The following SNAPC5 variants were observed in gnomAD, a reference collection of about 807,000 sequenced individuals.
SNAPC5 encodes the protein small nuclear RNA activating complex polypeptide 5, also known as snRNA-activating protein complex subunit 5.
A neutral mutation model predicts 9.1 loss-of-function variants in SNAPC5; 12 were observed. That is an observed-to-expected ratio of 1.32 (90% CI 0.85 to 2.15). The LOEUF (loss-of-function observed/expected upper bound fraction) is 2.15. Among genes scored for constraint, SNAPC5 ranks in the 30% most tolerant of loss-of-function variants. The pLI is 0.00. For missense variants in SNAPC5, 132 were observed against 114.4 expected (o/e 1.15, Z -0.70); for synonymous variants, 52 against 47.3 (o/e 1.10, Z -0.41).
At chr15:66,492,503 T>C (rs1388052820), downstream of SNAPC5, among the ~76,000 whole-genome samples, 2 of 151,290 alleles carry the variant, frequency 1.3e-5, no homozygotes, top group Non-Finnish European at 3.0e-5. Flanking sequence ...ATTTTCAACA[T>C]ATAAACATTT....
downstream of SNAPC5, chr15:66,490,183 GTA>G (rs1893201602): frequency 1.9e-6 from 1 of 526,260 alleles, no homozygotes; most frequent in African/African-American, 1.9e-5. Context: ...GGTGTATATA[GTA>G]TATAATATGC....
At chr15:66,490,341 G>C, downstream of SNAPC5, 1 of 722,694 alleles carries the variant, frequency 1.4e-6, no homozygotes, top group Non-Finnish European at 2.5e-6. Context: ...GCAGGTCTTT[G>C]GGCCTGCAGC....
chr15:66,496,513 C>T (rs1395169005), intron 1 of SNAPC5, among the ~76,000 whole-genome samples: 3 of 149,992 alleles, frequency 2.0e-5, no homozygotes, highest in Non-Finnish European at 4.4e-5. Flanking sequence ...AGCATAATAA[C>T]CTCCCTGGGA....
rs1208967925 is a variant in SNAPC5, at chr15:66,493,838, T to C, written c.*598A>G. On this transcript the variant is annotated 3_prime_UTR_variant, in exon 3 of 3. Transcript: ENST00000316634. ...TCCATGATGGCTACTTATAAATTTA[T>C]TTATAAAACATTTTACCAGTGAGTG... The C allele has an allele frequency of 6.6e-6, 1 of 152,230 alleles. No individual in the cohort carries two copies. The highest frequency in any genetic ancestry group is 2.4e-5 in the African/African-American group (1 of 41,430). The allele number at this position is 152,230 out of a possible 1,614,324, so 9.4% of individuals were successfully genotyped here.
At chr15:66,495,784 G>A (rs1211204043) in intron 1 of SNAPC5, among the ~76,000 whole-genome samples, 2 of 152,224 alleles carry the variant, frequency 1.3e-5, no homozygotes, top group African/African-American at 4.8e-5. Context: ...TAATGAGAAC[G>A]TGAAGGAAAG....
downstream of SNAPC5, chr15:66,491,365 A>G (rs186510658): frequency 4.3e-6 from 1 of 233,204 alleles, no homozygotes; most frequent in East Asian, 6.2e-5. Flanking sequence ...ATTGATCAAG[A>G]TATTAAAATG....
intron 2 of SNAPC5, 188 bp downstream of exon 2, chr15:66,495,142 A>G (rs1893383176): frequency 3.2e-6 from 2 of 621,480 alleles, no homozygotes; most frequent in Non-Finnish European, 5.8e-6. Flanking sequence ...TAATTAGTGT[A>G]TAACTAGCTG....
downstream of SNAPC5, among the ~76,000 whole-genome samples, chr15:66,493,242 A>C (rs1374659328): frequency 6.6e-6 from 1 of 152,204 alleles, no homozygotes; most frequent in Non-Finnish European, 1.5e-5. Context: ...AATTTTATAA[A>C]ATTAAGCAAC....
downstream of SNAPC5, chr15:66,491,292 A>AGT (rs1893249124): frequency 4.3e-6 from 1 of 235,124 alleles, no homozygotes; most frequent in Non-Finnish European, 8.4e-6. Flanking sequence ...TGGGATACTT[A>AGT]GTGGTATGTC....
intron 2 of SNAPC5, 114 bp downstream of exon 2, chr15:66,495,216 T>C (rs1292350544): frequency 2.5e-6 from 2 of 786,514 alleles, no homozygotes; most frequent in East Asian, 2.4e-5. Context: ...TCAGCACTTC[T>C]CAGAGCCCTT....
At position 66,494,278 on chromosome 15, in the gene SNAPC5, G is replaced by A. The variant is rs1036446187; in HGVS notation, c.*158C>T. 4 of 641,766 alleles carry A rather than the reference G, an allele frequency of 6.2e-6. No homozygotes were observed. The highest frequency in any genetic ancestry group is 5.6e-6 in the Non-Finnish European group (2 of 357,672). The allele number at this position is 641,766 out of a possible 1,614,324, so 39.8% of individuals were successfully genotyped here. On this transcript the variant is annotated 3_prime_UTR_variant, in exon 3 of 3. Coordinates refer to ENST00000316634, the MANE Select transcript of SNAPC5 (RefSeq NM_001329615.2). Reference sequence around the variant, plus strand: ...ATAACATTCTGAAGCTTGAGTTACCGATGGAGCCATTTTTGCAACTACACA... The same window carrying A: ...ATAACATTCTGAAGCTTGAGTTACCAATGGAGCCATTTTTGCAACTACACA...
chr15:66,490,388 T>C (rs1893211602), downstream of SNAPC5: 2 of 824,166 alleles, frequency 2.4e-6, no homozygotes, highest in Middle Eastern at 2.2e-4. Context: ...TGCCAGGTGC[T>C]CTTTCCAAGT....
At chr15:66,490,278 T>G (rs1489628958), downstream of SNAPC5, 87 of 672,868 alleles carry the variant, frequency 1.3e-4, 1 homozygote, top group South Asian at 1.0e-3. Flanking sequence ...ACTGCACGAG[T>G]AGGCTCCAAG....
chr15:66,494,569 C>G lies in SNAPC5; in HGVS notation c.181-17G>C. 1.3e-6 allele frequency: 2 copies of G among 1,567,248 alleles called. No homozygotes were observed. The highest frequency in any genetic ancestry group is 2.7e-5 in the African/African-American group (2 of 73,952). ...CACCAACATCTGTATTGGCCAAGGGCATCACAGATTAGCAGGAAAGATGCT... is the reference window on the plus strand; with the variant it reads ...CACCAACATCTGTATTGGCCAAGGGGATCACAGATTAGCAGGAAAGATGCT... On this transcript the variant is annotated splice_polypyrimidine_tract_variant and intron_variant, in intron 2 of 2. Transcript: ENST00000316634.
downstream of SNAPC5, chr15:66,492,190 G>A: frequency 2.6e-6 from 1 of 381,530 alleles, no homozygotes; most frequent in Non-Finnish European, 5.3e-6. Context: ...CTTCTTTTAG[G>A]TACATTTGAG....
In SNAPC5 at chr15:66,494,369, G is replaced by T; in HGVS notation, c.*67C>A. On this transcript the variant is annotated 3_prime_UTR_variant, in exon 3 of 3. Transcript: ENST00000316634. ...GGGCCCAGGGCAAGATGATTTCCTT[G>T]AGGAGAAGTAGCCTGAGCCTTAGAA... is the stretch of plus-strand genomic sequence containing the variant. 2.3e-6 allele frequency: 2 copies of T among 869,228 alleles called. No individual in the cohort carries two copies. Among genetic ancestry groups the T allele is most frequent in the Non-Finnish European group, 3.4e-6 (2 of 580,714 alleles). The allele number at this position is 869,228 out of a possible 1,614,324, so 53.8% of individuals were successfully genotyped here. A position where few individuals can be genotyped will look rare whatever the true frequency, so the allele number is the denominator to read the frequency against.
At chr15:66,495,998 G>A (rs1281993603) in intron 1 of SNAPC5, among the ~76,000 whole-genome samples, 4 of 152,188 alleles carry the variant, frequency 2.6e-5, no homozygotes, top group South Asian at 2.1e-4. Context: ...TGAGGCGGGC[G>A]GATCATGAGG....
chr15:66,491,167 C>G (rs1257047746), downstream of SNAPC5: 2 of 277,050 alleles, frequency 7.2e-6, no homozygotes, highest in Non-Finnish European at 1.4e-5. Flanking sequence ...CAGTTGACAT[C>G]CAAATCTAGC....
intron 1 of SNAPC5, 139 bp downstream of exon 1, chr15:66,497,503 A>T (rs1810747044): frequency 1.3e-6 from 1 of 772,868 alleles, no homozygotes; most frequent in Non-Finnish European, 2.3e-6. Flanking sequence ...TTTGTTTGTA[A>T]ACCTCTAAAT....
Sources: allele counts gnomAD v4.1 joint callset (sites outside exome capture counted in the v4.1 genomes callset), GRCh38; gene constraint gnomAD v4.1.1; transcripts MANE v1.5; gene names NCBI Gene and HGNC (gene_info 2026-07-23, HGNC 2026-07-21).